The following CCDC68 variants were observed in gnomAD, a reference collection of about 807,000 sequenced individuals.
CCDC68 encodes coiled-coil domain-containing protein 68.
Under a neutral mutation model 47.1 loss-of-function variants are expected in CCDC68, and 45 were observed. The ratio of observed to expected loss-of-function variants is 0.96; its 90% CI spans 0.75 to 1.23. The LOEUF (loss-of-function observed/expected upper bound fraction) is 1.23. Among genes scored for constraint, CCDC68 ranks in the 50% most tolerant of loss-of-function variants. The pLI, the probability that CCDC68 is intolerant of heterozygous loss-of-function variation, is 0.00. For synonymous variants in CCDC68, 131 were observed against 129.5 expected (o/e 1.01, Z -0.08); for missense variants, 353 against 373.6 (o/e 0.94, Z 0.45).
At chr18:54,928,009 C>T (rs143518956) in intron 8 of CCDC68, among the ~76,000 whole-genome samples, 1 of 152,158 alleles carries the variant, frequency 6.6e-6, no homozygotes, top group African/African-American at 2.4e-5. Context: ...ATAATGGTGC[C>T]TGATACCCTA....
Position 54,918,955 on chromosome 18 carries a change from A to G in CCDC68, c.789+316T>C, listed in dbSNP as rs181238147. The stretch of plus-strand genomic sequence containing the variant: ...TCATTTCATACTCAAGGAAGGGCTG[A>G]ATCTCCTGATCTACAAAATTGTCTA... On this transcript the variant is annotated intron_variant, in intron 9 of 11. Transcript: ENST00000591504. 3.9e-5 allele frequency among the ~76,000 whole-genome samples: 6 copies of G among 152,330 alleles called. No homozygotes were observed. The East Asian group carries it at 1.2e-3, about 29-fold the overall frequency.
chr18:54,936,711 C>T, intron 6 of CCDC68, 122 bp downstream of exon 6: 2 of 1,229,714 alleles, frequency 1.6e-6, no homozygotes. Flanking sequence ...CGCTTCTTTC[C>T]CAAGTCTTTT....
At chr18:54,919,004 G>C (rs532449505) in intron 9 of CCDC68, among the ~76,000 whole-genome samples, 1 of 152,162 alleles carries the variant, frequency 6.6e-6, no homozygotes, top group African/African-American at 2.4e-5. Flanking sequence ...ATTATTTGGC[G>C]CAGAAGACTT....
chr18:54,918,017 T>A, intron 9 of CCDC68, 21 bp from the exon 10 acceptor site: 1 of 1,123,848 alleles, frequency 8.9e-7, no homozygotes, highest in Non-Finnish European at 1.3e-6. Context: ...GAAAACACAA[T>A]AGGAAAAACC....
rs771760142 is a variant in CCDC68, at chr18:54,907,869, T to C, written c.874-7A>G. On this transcript the variant is annotated splice_polypyrimidine_tract_variant and splice_region_variant and intron_variant, in intron 10 of 11. Coordinates refer to ENST00000591504, the MANE Select transcript of CCDC68 (RefSeq NM_025214.3). ...GGGTTTTTAGTTCTTTATTCTAAAA[T>C]TGAAAAAAAATGCAGACGTCAAATA... 4 of 1,556,400 alleles carry C rather than the reference T, an allele frequency of 2.6e-6. No homozygotes were observed. Among genetic ancestry groups the C allele is most frequent in the South Asian group, 1.1e-5 (1 of 89,840 alleles).
At chr18:54,909,651 G>A (rs1054377463) in intron 10 of CCDC68, among the ~76,000 whole-genome samples, 3 of 152,212 alleles carry the variant, frequency 2.0e-5, no homozygotes, top group African/African-American at 4.8e-5. Context: ...GTGGGGTCCG[G>A]CCACTGTGTA....
chr18:54,915,202 G>A (rs1259977011), intron 10 of CCDC68, among the ~76,000 whole-genome samples: 1 of 152,220 alleles, frequency 6.6e-6, no homozygotes, highest in Non-Finnish European at 1.5e-5. Flanking sequence ...CTGATTCGCT[G>A]TTGGAACAGC....
chr18:54,927,286 T>C (rs967778433), intron 8 of CCDC68, among the ~76,000 whole-genome samples: 1 of 152,204 alleles, frequency 6.6e-6, no homozygotes, highest in Admixed American at 6.5e-5. Context: ...CATCCATTTT[T>C]CCCAAGAAAT....
intron 4 of CCDC68, 45 bp downstream of exon 4, chr18:54,940,952 A>G (rs763948563): frequency 2.8e-6 from 4 of 1,404,800 alleles, no homozygotes; most frequent in Non-Finnish European, 4.0e-6. Context: ...ATTACTTTAA[A>G]AAGTCTAAAT....
intron 1 of CCDC68, among the ~76,000 whole-genome samples, chr18:54,949,343 ATTTTC>A (rs1368581555): frequency 2.6e-5 from 4 of 152,224 alleles, no homozygotes; most frequent in Admixed American, 2.6e-4. Context: ...AAAGTCTACC[ATTTTC>A]TTTTCTTTTA....
At chr18:54,958,134 C>G (rs528467446) in intron 1 of CCDC68, 1 of 152,206 alleles carries the variant, frequency 6.6e-6, no homozygotes, top group African/African-American at 2.4e-5. Context: ...CTTCTTATGA[C>G]GTCGGCCTTA....
chr18:54,933,423 C>A (rs1285470759), intron 7 of CCDC68, among the ~76,000 whole-genome samples: 1 of 152,136 alleles, frequency 6.6e-6, no homozygotes, highest in Non-Finnish European at 1.5e-5. Flanking sequence ...TGCCACTAAA[C>A]CTGACCAATA....
intron 8 of CCDC68, among the ~76,000 whole-genome samples, chr18:54,924,846 T>C (rs1190634695): frequency 6.6e-6 from 1 of 152,168 alleles, no homozygotes; most frequent in Non-Finnish European, 1.5e-5. Context: ...ACTTATACCA[T>C]AGCGGGTAGC....
intron 7 of CCDC68, among the ~76,000 whole-genome samples, chr18:54,931,027 A>T (rs2044249694): frequency 6.6e-6 from 1 of 151,996 alleles, no homozygotes; most frequent in South Asian, 2.1e-4. Context: ...CCACAGATAC[A>T]TCTTACAAGC....
At position 54,902,158 on chromosome 18, in the gene CCDC68, C is replaced by T. The variant is rs1395313037; in HGVS notation, c.*2200G>A. On this transcript the variant is annotated 3_prime_UTR_variant, in exon 12 of 12. Coordinates refer to ENST00000591504, the MANE Select transcript of CCDC68 (RefSeq NM_025214.3). ...ATAGATAGTTAGGTCAGATCTCTTT[C>T]ACTGTCATAATTTCCTCACTGTTAT... 6.6e-6 allele frequency: 1 copy of T among 152,208 alleles called. No homozygotes were observed. Among genetic ancestry groups the T allele is most frequent in the Non-Finnish European group, 1.5e-5 (1 of 68,022 alleles). 9.4% of individuals were successfully genotyped at this position (152,208 alleles called of 1,614,324 possible).
chr18:54,930,671 C>CG (rs2145502974), intron 7 of CCDC68, among the ~76,000 whole-genome samples: 1 of 28,730 alleles, frequency 3.5e-5, no homozygotes, highest in South Asian at 2.5e-3. Context: ...TCCTTCCTTC[C>CG]TTCCCTCCCT....
At chr18:54,952,253 C>T (rs1445308951) in intron 1 of CCDC68, among the ~76,000 whole-genome samples, 1 of 148,446 alleles carries the variant, frequency 6.7e-6, no homozygotes, top group African/African-American at 2.4e-5. Flanking sequence ...AGGTCAATGA[C>T]ATATGTCACA....
chr18:54,936,361 T>C (rs2044349981), intron 6 of CCDC68, among the ~76,000 whole-genome samples: 1 of 149,876 alleles, frequency 6.7e-6, no homozygotes, highest in South Asian at 2.1e-4. Context: ...CATATTTTGT[T>C]TTCTGTTTTT....
At chr18:54,942,846 G>C in intron 2 of CCDC68, 43 bp from the exon 3 acceptor site, 1 of 1,033,424 alleles carries the variant, frequency 9.7e-7, no homozygotes, top group Non-Finnish European at 1.5e-6. Flanking sequence ...AGACTGTTTT[G>C]ATTGTATGAT....
Sources: allele counts gnomAD v4.1 joint callset (sites outside exome capture counted in the v4.1 genomes callset), GRCh38; gene constraint gnomAD v4.1.1; transcripts MANE v1.5; gene names NCBI Gene and HGNC (gene_info 2026-07-23, HGNC 2026-07-21).